The following AOPEP variants were observed in gnomAD, a reference collection of about 807,000 sequenced individuals.
The protein encoded by AOPEP is aminopeptidase O.
In AOPEP, 77 loss-of-function variants were observed where a neutral mutation model predicts 98.1. The ratio of observed to expected loss-of-function variants is 0.78; its 90% CI spans 0.65 to 0.95. The LOEUF (loss-of-function observed/expected upper bound fraction) is 0.95. AOPEP is among the 40% of genes least tolerant of loss of function. AOPEP has a pLI of 0.00. For synonymous variants in AOPEP, 346 were observed against 365.3 expected, an observed-to-expected ratio of 0.95 and a Z score of 0.60; for missense variants, 1,024 against 1,024.7, an observed-to-expected ratio of 1.00 and a Z score of 0.01.
intron 16 of AOPEP, among the ~76,000 whole-genome samples, chr9:95,083,959 A>G (rs2070245399): frequency 1.3e-5 from 2 of 152,204 alleles, no homozygotes; most frequent in South Asian, 4.1e-4. Context: ...ATGGGTTTCT[A>G]CACTATTAAA....
intron 7 of AOPEP, among the ~76,000 whole-genome samples, chr9:94,931,160 G>A (rs920054342): frequency 5.9e-5 from 9 of 152,114 alleles, no homozygotes; most frequent in African/African-American, 2.2e-4. Context: ...TCACACATGA[G>A]GAGGGCCTCA....
intron 5 of AOPEP, among the ~76,000 whole-genome samples, chr9:94,905,681 TG>T (rs1287651580): frequency 6.6e-6 from 1 of 152,306 alleles, no homozygotes; most frequent in East Asian, 1.9e-4. Context: ...TTATAAAGTA[TG>T]CTCTGGGAAA....
At chr9:94,923,811 CAT>C (rs2053933590) in intron 5 of AOPEP, among the ~76,000 whole-genome samples, 173 bp from the exon 6 acceptor site, 1 of 152,196 alleles carries the variant, frequency 6.6e-6, no homozygotes, top group Middle Eastern at 3.4e-3. Flanking sequence ...CAGCCAGAAA[CAT>C]AAACTGCCAC....
intron 13 of AOPEP, among the ~76,000 whole-genome samples, chr9:95,055,751 G>A (rs1347285254): frequency 1.3e-5 from 2 of 152,044 alleles, no homozygotes; most frequent in African/African-American, 4.8e-5. Flanking sequence ...TAATCCAAGG[G>A]GCAAAAGAAA....
chr9:95,006,068 A>G (rs201823379), intron 13 of AOPEP: 260 of 472,190 alleles, frequency 5.5e-4, no homozygotes, highest in Non-Finnish European at 8.5e-4. Flanking sequence ...TTAAAACACT[A>G]GGAGGAATTT....
the AOPEP span, among the ~76,000 whole-genome samples, chr9:95,135,095 G>A: frequency 6.6e-6 from 1 of 152,152 alleles, no homozygotes; most frequent in Non-Finnish European, 1.5e-5. Context: ...TTGTGCAAAT[G>A]TCAATTCTTG....
intron 5 of AOPEP, among the ~76,000 whole-genome samples, chr9:94,876,833 G>T (rs535895003): frequency 6.6e-6 from 1 of 152,236 alleles, no homozygotes; most frequent in East Asian, 1.9e-4. Context: ...CCCTAAAGTT[G>T]CATGATGTTC....
At chr9:94,817,220 G>C (rs1373111551) in intron 5 of AOPEP, among the ~76,000 whole-genome samples, 1 of 152,052 alleles carries the variant, frequency 6.6e-6, no homozygotes, top group Admixed American at 6.5e-5. Flanking sequence ...GTCCAGGCTG[G>C]TCGCGAACTC....
In AOPEP at chr9:94,730,471, C is replaced by T. The variant is rs1241667048; in HGVS notation, c.-136+3720C>T. 2.0e-5 allele frequency among the ~76,000 whole-genome samples: 3 copies of T among 152,186 alleles called. No individual in the cohort carries two copies. In the East Asian group the frequency reaches 5.8e-4, roughly 29 times the overall value. The stretch of plus-strand genomic sequence containing the variant: ...TCCAGGCGTAGTGACCATTGTTCAG[C>T]CTGACCTCCATTAATTCTGTTGAGT... On this transcript the variant is annotated intron_variant, in intron 1 of 16. Coordinates refer to ENST00000375315, the MANE Select transcript of AOPEP (RefSeq NM_001193329.3).
At chr9:95,135,231 TA>T in the AOPEP span, 1 of 1,016,876 alleles carries the variant, frequency 9.8e-7, no homozygotes, top group Non-Finnish European at 1.5e-6. Context: ...CGATTATATA[TA>T]AAGGTTCCAA....
At chr9:95,083,448 C>T (rs1229137177) in intron 16 of AOPEP, among the ~76,000 whole-genome samples, 3 of 148,544 alleles carry the variant, frequency 2.0e-5, no homozygotes, top group Non-Finnish European at 1.5e-5. Flanking sequence ...ACACACCAAA[C>T]AGCGCACGCA....
the AOPEP span, among the ~76,000 whole-genome samples, chr9:95,138,327 TG>T: frequency 1.3e-5 from 2 of 152,330 alleles, no homozygotes; most frequent in African/African-American, 2.4e-5. Context: ...ACGCCGTGCC[TG>T]TGCTTATGCC....
At chr9:95,087,903 G>A (rs2070806597), downstream of AOPEP, among the ~76,000 whole-genome samples, 1 of 152,178 alleles carries the variant, frequency 6.6e-6, no homozygotes, top group Non-Finnish European at 1.5e-5. Context: ...TGGCTCCAGG[G>A]GGCAGCACAA....
At chr9:95,077,905 C>T (rs1054472539) in intron 14 of AOPEP, among the ~76,000 whole-genome samples, 2 of 152,110 alleles carry the variant, frequency 1.3e-5, no homozygotes, top group African/African-American at 4.8e-5. Context: ...GTGAAGACTG[C>T]GCGTGAGCAG....
chr9:94,790,506 C>G (rs242259), intron 3 of AOPEP, among the ~76,000 whole-genome samples: 1 of 151,912 alleles, frequency 6.6e-6, no homozygotes, highest in African/African-American at 2.4e-5. Flanking sequence ...AAGAGTGGCC[C>G]TTCTGGTTCC....
chr9:94,817,054 G>A (rs1380881860), intron 5 of AOPEP, among the ~76,000 whole-genome samples: 2 of 152,080 alleles, frequency 1.3e-5, no homozygotes, highest in African/African-American at 4.8e-5. Context: ...AGGCTGAAGT[G>A]CAGTGGCACG....
At chr9:94,773,799 T>G (rs1227186022) in intron 3 of AOPEP, among the ~76,000 whole-genome samples, 1 of 151,578 alleles carries the variant, frequency 6.6e-6, no homozygotes. Flanking sequence ...AGGGTCTCGC[T>G]CTGTTGCCCG....
At chr9:95,087,655 T>A (rs748819308), downstream of AOPEP, among the ~76,000 whole-genome samples, 26 of 152,236 alleles carry the variant, frequency 1.7e-4, no homozygotes, top group Non-Finnish European at 2.6e-4. Flanking sequence ...CCTCTTCCGA[T>A]AAAATGGAGA....
chr9:95,020,550 C>T (rs554232095), intron 13 of AOPEP, among the ~76,000 whole-genome samples: 3 of 151,512 alleles, frequency 2.0e-5, no homozygotes, highest in Non-Finnish European at 4.4e-5. Context: ...TTTTACAAGG[C>T]ACAGATTATT....
Sources: gnomAD v4.1 joint callset for allele counts (sites outside exome capture counted in the v4.1 genomes callset) on GRCh38, gnomAD v4.1.1 for gene constraint, MANE v1.5 for transcripts, NCBI Gene and HGNC (gene_info 2026-07-23, HGNC 2026-07-21) for gene names.